TTC3: variants seen among roughly 807,000 people sequenced by gnomAD.
The protein encoded by TTC3 is tetratricopeptide repeat domain 3, also known as E3 ubiquitin-protein ligase TTC3.
TTC3 carries 180 observed loss-of-function variants against 249.6 expected under a neutral mutation model. The observed-to-expected ratio is 0.72, with a 90% CI of 0.64 to 0.82. The LOEUF (loss-of-function observed/expected upper bound fraction) is 0.82. Ranked by LOEUF, TTC3 falls within the 40% of genes least tolerant of loss-of-function variation. The probability of loss-of-function intolerance (pLI) is 0.00; values close to 1 mark genes in which losing one functional copy is unlikely to be tolerated. For synonymous variants in TTC3, 717 were observed against 805.0 expected (o/e 0.89, Z 1.85); for missense variants, 2,061 against 2,398.4 (o/e 0.86, Z 2.94).
intron 2 of TTC3, among the ~76,000 whole-genome samples, 169 bp from the exon 3 acceptor site, chr21:37,087,664 A>G (rs1217034444): frequency 6.6e-6 from 1 of 152,158 alleles, no homozygotes; most frequent in Non-Finnish European, 1.5e-5. Flanking sequence ...AAGCAAACTC[A>G]GGTAATACTG....
intron 10 of TTC3, among the ~76,000 whole-genome samples, chr21:37,099,705 A>G (rs562234389): frequency 4.6e-5 from 7 of 152,288 alleles, no homozygotes; most frequent in African/African-American, 1.7e-4. Context: ...TCAGCTGGAG[A>G]AAGTGTAAAT....
chr21:37,145,740 T>A (rs995772907), intron 21 of TTC3, among the ~76,000 whole-genome samples: 14 of 152,168 alleles, frequency 9.2e-5, no homozygotes, highest in African/African-American at 3.4e-4. Flanking sequence ...CTCCTACTCA[T>A]GTCAGAAGGC....
chr21:37,180,739 A>C (rs1478144608), intron 35 of TTC3, among the ~76,000 whole-genome samples: 1 of 138,972 alleles, frequency 7.2e-6, no homozygotes, highest in Non-Finnish European at 1.5e-5. Flanking sequence ...GTGCACATGT[A>C]CCCTAAAACT....
rs555811477 is a variant in TTC3, at chr21:37,136,383, A to G, written c.1578+869A>G. Among the ~76,000 whole-genome samples, 3 of 152,328 alleles carry G rather than the reference A, an allele frequency of 2.0e-5. No homozygotes were observed. The South Asian group carries it at 6.2e-4, about 32-fold the overall frequency. ...TGTGAATGCAAAGAAACAGTTTTTG[A>G]AGGAAATTAAAAGTGCTACTTCAGT... On this transcript the variant is annotated intron_variant, in intron 18 of 45. Transcript: ENST00000355666.
At chr21:37,081,109 CTTTTTTTTT>C (rs58809719) in intron 1 of TTC3, among the ~76,000 whole-genome samples, 2 of 58,164 alleles carry the variant, frequency 3.4e-5, no homozygotes, top group Non-Finnish European at 6.6e-5. Flanking sequence ...TTATTTATGC[CTTTTTTTTT>C]TTTTTTTTTT....
chr21:37,096,509 A>T, intron 9 of TTC3, 72 bp from the exon 10 acceptor site: 1 of 1,246,112 alleles, frequency 8.0e-7, no homozygotes, highest in Non-Finnish European at 1.1e-6. Context: ...CTCATGCCTT[A>T]TGTTTTCTAC....
At chr21:37,182,810 T>A in exon 36 of TTC3, 3 of 1,595,794 alleles carry the variant, frequency 1.9e-6, no homozygotes, top group Non-Finnish European at 2.6e-6. Context: ...CCTTCAAGAT[T>A]TGGAAAGAGA....
chr21:37,135,860 C>T (rs1296626541), intron 18 of TTC3, among the ~76,000 whole-genome samples: 1 of 152,180 alleles, frequency 6.6e-6, no homozygotes, highest in Non-Finnish European at 1.5e-5. Flanking sequence ...TTGTACTTTG[C>T]AGACAATGCA....
At chr21:37,132,509 C>A (rs1337981708) in intron 16 of TTC3, among the ~76,000 whole-genome samples, 173 bp from the exon 17 acceptor site, 1 of 151,984 alleles carries the variant, frequency 6.6e-6, no homozygotes, top group Non-Finnish European at 1.5e-5. Flanking sequence ...GACAGAGTTT[C>A]ACCATGTTGG....
rs138781493 is a variant in TTC3, at chr21:37,094,020, C to G, written c.617C>G (p.Thr206Ser). The change falls in exon 8 of 46, where the codon ACT becomes AGT. Residue 206 changes from threonine (T) to serine (S), a missense_variant. Physicochemically the swap from Thr to Ser is moderately conservative, Grantham distance 58. Transcript: ENST00000355666. The stretch of plus-strand genomic sequence containing the variant: ...TAAAATTTAGACAAGTACCACATAA[C>G]TAAAATTGTAATGGAAGACTGCAAT... 4 of 1,606,410 alleles carry G rather than the reference C, an allele frequency of 2.5e-6. No homozygotes were observed. In the African/African-American group the frequency reaches 5.4e-5, roughly 22 times the overall value.
intron 36 of TTC3, among the ~76,000 whole-genome samples, chr21:37,185,260 TGTGTGTGCGTGCGCACCCGC>T (rs1157848221): frequency 1.4e-4 from 22 of 152,246 alleles, no homozygotes; most frequent in Non-Finnish European, 2.5e-4. Context: ...AATGTGAGTG[TGTGTGTGCGTGCGCACCCGC>T]GTGTGTGCAT....
At chr21:37,136,646 A>G (rs1178327336) in intron 18 of TTC3, among the ~76,000 whole-genome samples, 1 of 152,254 alleles carries the variant, frequency 6.6e-6, no homozygotes, top group Admixed American at 6.5e-5. Flanking sequence ...TTTCCATAAC[A>G]TAAAAGTGCA....
At chr21:37,143,794 A>G (rs906241118) in intron 20 of TTC3, among the ~76,000 whole-genome samples, 2 of 131,872 alleles carry the variant, frequency 1.5e-5, no homozygotes, top group Non-Finnish European at 3.2e-5. Context: ...ACATGCACAC[A>G]TATGTTTATT....
At chr21:37,075,422 A>T (rs1220411456) in intron 1 of TTC3, among the ~76,000 whole-genome samples, 3 of 152,196 alleles carry the variant, frequency 2.0e-5, no homozygotes, top group African/African-American at 7.2e-5. Context: ...TAGGAAGTAC[A>T]CCTAAGTAGT....
At chr21:37,169,860 A>G (rs543431034) in intron 34 of TTC3, among the ~76,000 whole-genome samples, 29 of 151,846 alleles carry the variant, frequency 1.9e-4, no homozygotes, top group African/African-American at 6.5e-4. Flanking sequence ...AAAAAAAAAA[A>G]CAAAAAACAA....
intron 12 of TTC3, among the ~76,000 whole-genome samples, chr21:37,122,752 A>G (rs1262730888): frequency 1.3e-5 from 2 of 152,172 alleles, no homozygotes; most frequent in Non-Finnish European, 2.9e-5. Flanking sequence ...TATTGCTGTC[A>G]TCTTGTCAAT....
At chr21:37,151,680 C>G (rs984447443) in intron 25 of TTC3, among the ~76,000 whole-genome samples, 1 of 152,114 alleles carries the variant, frequency 6.6e-6, no homozygotes, top group Non-Finnish European at 1.5e-5. Context: ...TAGACTGCAT[C>G]CTTAGACATC....
chr21:37,160,672 G>A, intron 29 of TTC3, 130 bp from the exon 30 acceptor site: 5 of 919,544 alleles, frequency 5.4e-6, no homozygotes. Context: ...ACACTGTAGT[G>A]TTATTTTTGT....
chr21:37,165,687 G>A, exon 33 of TTC3: 1 of 1,613,842 alleles, frequency 6.2e-7, no homozygotes, highest in Non-Finnish European at 8.5e-7. Flanking sequence ...TTTCTCTTGG[G>A]ATGCCCTCGT....
Sources: allele counts gnomAD v4.1 joint callset (sites outside exome capture counted in the v4.1 genomes callset), GRCh38; gene constraint gnomAD v4.1.1; transcripts MANE v1.5; gene names NCBI Gene and HGNC (gene_info 2026-07-23, HGNC 2026-07-21).